Variants in PPP1R12A observed in about 807,000 individuals in gnomAD.
PPP1R12A encodes the protein myosin binding subunit.
A neutral mutation model predicts 139.6 loss-of-function variants in PPP1R12A; 19 were observed. The observed-to-expected ratio is 0.14, with a 90% confidence interval of 0.09 to 0.20. PPP1R12A has a LOEUF of 0.20. Ranked by LOEUF, PPP1R12A falls within the 10% of genes least tolerant of loss-of-function variation. The probability of loss-of-function intolerance (pLI) is 1.00; values close to 1 mark genes in which losing one functional copy is unlikely to be tolerated. For missense variants in PPP1R12A, 925 were observed against 1,211.5 expected, an observed-to-expected ratio of 0.76 and a Z score of 3.51; for synonymous variants, 427 against 420.6, an observed-to-expected ratio of 1.02 and a Z score of -0.19.
At chr12:79,930,138 A>T (rs1416133664) in intron 1 of PPP1R12A, among the ~76,000 whole-genome samples, 1 of 152,158 alleles carries the variant, frequency 6.6e-6, no homozygotes, top group Non-Finnish European at 1.5e-5. Context: ...TACAGTGAAC[A>T]CCCCAGAAAA....
intron 1 of PPP1R12A, among the ~76,000 whole-genome samples, chr12:79,889,506 A>G (rs969953662): frequency 6.6e-6 from 1 of 152,146 alleles, no homozygotes; most frequent in African/African-American, 2.4e-5. Context: ...GGGAAATAAT[A>G]TCTCCCATAT....
At chr12:79,890,815 ACT>A (rs1317970614) in intron 1 of PPP1R12A, among the ~76,000 whole-genome samples, 15 of 151,252 alleles carry the variant, frequency 9.9e-5, no homozygotes, top group Non-Finnish European at 2.2e-4. Context: ...TCTAATATTA[ACT>A]CTCTAATCTC....
At chr12:79,797,011 TA>T in intron 16 of PPP1R12A, 61 bp from the exon 17 acceptor site, 1 of 1,499,546 alleles carries the variant, frequency 6.7e-7, no homozygotes, top group Non-Finnish European at 9.0e-7. Context: ...AACATAAAAA[TA>T]CTTAAAAATT....
At chr12:79,800,182 T>A (rs774754177) in intron 14 of PPP1R12A, among the ~76,000 whole-genome samples, 2 of 152,046 alleles carry the variant, frequency 1.3e-5, no homozygotes, top group Non-Finnish European at 2.9e-5. Flanking sequence ...CAGAGTACAG[T>A]TGACTGCTGA....
intron 1 of PPP1R12A, among the ~76,000 whole-genome samples, chr12:79,873,949 T>A (rs1489226486): frequency 6.6e-6 from 1 of 152,162 alleles, no homozygotes; most frequent in Non-Finnish European, 1.5e-5. Flanking sequence ...GATCTTTTCT[T>A]GCAAATGAAC....
intron 1 of PPP1R12A, among the ~76,000 whole-genome samples, chr12:79,931,933 A>G (rs1888285001): frequency 6.6e-6 from 1 of 152,198 alleles, no homozygotes. Flanking sequence ...TATAACTTCT[A>G]ATGAGGTAGC....
chr12:79,926,249 G>A (rs1035448770), intron 1 of PPP1R12A, among the ~76,000 whole-genome samples: 1 of 152,204 alleles, frequency 6.6e-6, no homozygotes, highest in Non-Finnish European at 1.5e-5. Context: ...GAAGAGGCAT[G>A]ATCTCAGTTC....
At chr12:79,869,771 T>C (rs1416931803) in intron 2 of PPP1R12A, among the ~76,000 whole-genome samples, 1 of 152,080 alleles carries the variant, frequency 6.6e-6, no homozygotes, top group Non-Finnish European at 1.5e-5. Context: ...TGAGACTAAG[T>C]AGATTGGTCA....
At chr12:79,872,267 T>C (rs1383515763) in intron 2 of PPP1R12A, among the ~76,000 whole-genome samples, 2 of 152,184 alleles carry the variant, frequency 1.3e-5, no homozygotes, top group South Asian at 2.1e-4. Flanking sequence ...CTTCCACTGT[T>C]AAATGCTTTA....
chr12:79,912,720 A>G lies in PPP1R12A; in HGVS notation c.237+21975T>C, dbSNP rs74523980. On this transcript the variant is annotated intron_variant, in intron 1 of 24. Coordinates refer to ENST00000450142, the MANE Select transcript of PPP1R12A (RefSeq NM_002480.3). ...AAAAAAAAAAAAAAGAAGAAATAAA[A>G]TTAATGAATCTCTGATAATATAATT... Among the ~76,000 whole-genome samples, 630 of 152,026 alleles carry G rather than the reference A, an allele frequency of 4.1e-3. 1 individual carries two copies. The highest frequency in any genetic ancestry group is 0.014 in the African/African-American group (596 of 41,492).
At chr12:79,786,246 C>G in intron 22 of PPP1R12A, 128 bp downstream of exon 22, 1 of 569,358 alleles carries the variant, frequency 1.8e-6, no homozygotes. Flanking sequence ...CATCCATAAA[C>G]AGCATTATCT....
chr12:79,893,059 C>T (rs1028850484), intron 1 of PPP1R12A, among the ~76,000 whole-genome samples: 32 of 150,904 alleles, frequency 2.1e-4, no homozygotes, highest in African/African-American at 6.6e-4. Context: ...GCCAAGATTG[C>T]GCCACTGTAC....
At chr12:79,893,120 A>G (rs961373493) in intron 1 of PPP1R12A, among the ~76,000 whole-genome samples, 10 of 151,894 alleles carry the variant, frequency 6.6e-5, no homozygotes, top group African/African-American at 2.4e-4. Context: ...AAAAAAAAAA[A>G]GTAATTAACT....
rs116401375 is a variant in PPP1R12A at position 79,833,520 on chromosome 12, G to A, written c.488-1029C>T. Reference sequence around the variant, plus strand: ...ATCCCCACTGTCTGGTAGAATACCTGATACAAAGCAAAGGGAGATCAGAGC... The same window carrying A: ...ATCCCCACTGTCTGGTAGAATACCTAATACAAAGCAAAGGGAGATCAGAGC... On this transcript the variant is annotated intron_variant, in intron 3 of 24. Transcript: ENST00000450142. Among the ~76,000 whole-genome samples, 790 of 152,016 alleles carry A rather than the reference G, an allele frequency of 5.2e-3. 8 individuals are homozygous for A. Among genetic ancestry groups the A allele is most frequent in the African/African-American group, 0.017 (708 of 41,462 alleles).
chr12:79,859,370 C>CAAAAAAAAA (rs1881060911), intron 2 of PPP1R12A, among the ~76,000 whole-genome samples: 1 of 137,694 alleles, frequency 7.3e-6, no homozygotes. Context: ...AAAAAAAAAA[C>CAAAAAAAAA]AACAGTGCTC....
intron 24 of PPP1R12A, chr12:79,777,245 C>T (rs1413475815): frequency 3.3e-5 from 32 of 955,634 alleles, no homozygotes; most frequent in Non-Finnish European, 3.9e-5. Context: ...CCTAAAATAT[C>T]TGTATAGCTA....
chr12:79,884,567 G>T (rs931482840), intron 1 of PPP1R12A, among the ~76,000 whole-genome samples: 13 of 152,036 alleles, frequency 8.6e-5, no homozygotes, highest in South Asian at 4.1e-4. Context: ...GTTGCTAGGA[G>T]AATCAAAAGC....
chr12:79,856,044 T>C (rs1362257383), intron 2 of PPP1R12A, among the ~76,000 whole-genome samples: 1 of 152,190 alleles, frequency 6.6e-6, no homozygotes, highest in Non-Finnish European at 1.5e-5. Context: ...ACTTATCAAT[T>C]CTATTCTCCA....
rs374774391 is a variant in PPP1R12A at position 79,805,629 on chromosome 12, T to C, written c.1963A>G (p.Thr655Ala). ...TTTLTTTTAG[T>A]VSSTTEVRER... ...CTGACCTCTGTTGTGGAGGAGACAG[T>C]GCCAGCAGTAGTTGTAGTCAGGGTT... The change falls in exon 14 of 25, where the codon ACT (threonine) becomes GCT (alanine). Residue 655 changes from threonine to alanine, a missense_variant. Coordinates refer to ENST00000450142, the MANE Select transcript of PPP1R12A (RefSeq NM_002480.3). The C allele has an allele frequency of 6.2e-7, 1 of 1,613,806 alleles. No homozygotes were observed. Among genetic ancestry groups the C allele is most frequent in the Non-Finnish European group, 8.5e-7 (1 of 1,179,804 alleles).
Sources: allele counts gnomAD v4.1 joint callset (sites outside exome capture counted in the v4.1 genomes callset), GRCh38; gene constraint gnomAD v4.1.1; transcripts MANE v1.5; gene names NCBI Gene and HGNC (gene_info 2026-07-23, HGNC 2026-07-21).